Variants in SLC25A26 observed in about 807,000 individuals in gnomAD.
The protein encoded by SLC25A26 is mitochondrial S-adenosylmethionine carrier protein.
A neutral mutation model predicts 37.8 loss-of-function variants in SLC25A26; 36 were observed. That is an observed-to-expected ratio of 0.95 (90% CI 0.73 to 1.26). SLC25A26 has a LOEUF of 1.26. Among genes scored for constraint, SLC25A26 ranks in the 50% most tolerant of loss-of-function variants. The probability of loss-of-function intolerance (pLI) is 0.00; values close to 1 mark genes in which losing one functional copy is unlikely to be tolerated. For synonymous variants in SLC25A26, 129 were observed against 122.5 expected, an observed-to-expected ratio of 1.05 and a Z score of -0.35; for missense variants, 390 against 331.1, an observed-to-expected ratio of 1.18 and a Z score of -1.38.
chr3:66,362,938 G>A lies in SLC25A26; in HGVS notation c.568+9G>A, dbSNP rs750478238. On this transcript the variant is annotated intron_variant, in intron 7 of 9. Transcript: ENST00000354883. Reference sequence around the variant, plus strand: ...CTGTGGAGCTTTTGCAGGTGCAAAGGATTATATTATACTGGGAAAGACCAA... The same window carrying A: ...CTGTGGAGCTTTTGCAGGTGCAAAGAATTATATTATACTGGGAAAGACCAA... 6.3e-7 allele frequency: 1 copy of A among 1,582,334 alleles called. No individual in the cohort carries two copies.
chr3:66,207,501 C>T (rs1036748589), intron 1 of SLC25A26, among the ~76,000 whole-genome samples: 36 of 152,258 alleles, frequency 2.4e-4, no homozygotes, highest in Non-Finnish European at 4.1e-4. Flanking sequence ...AGTCTTTGTT[C>T]AGCCCAGGCC....
chr3:66,366,879 A>G (rs1451947564), intron 7 of SLC25A26, among the ~76,000 whole-genome samples: 1 of 152,224 alleles, frequency 6.6e-6, no homozygotes, highest in Non-Finnish European at 1.5e-5. Flanking sequence ...TGGCCTGGGC[A>G]AGTAAGTTGG....
rs138503857 is a variant in SLC25A26, at chr3:66,372,025, C to G, written c.707+1423C>G. On this transcript the variant is annotated intron_variant, in intron 9 of 9. Coordinates refer to ENST00000354883, the MANE Select transcript of SLC25A26 (RefSeq NM_001379210.1). ...GAGCAATCGCTTGAGCCCGGGAAGT[C>G]GAGGTTATAGTGAGTTACAACTGTG... Among the ~76,000 whole-genome samples, 31 of 152,198 alleles carry G rather than the reference C, an allele frequency of 2.0e-4. No homozygotes were observed. The East Asian group carries it at 5.8e-3, about 28-fold the overall frequency.
chr3:66,351,234 C>T (rs755046695), intron 6 of SLC25A26, among the ~76,000 whole-genome samples: 45 of 152,250 alleles, frequency 3.0e-4, no homozygotes, highest in African/African-American at 7.2e-4. Context: ...AATACTTGCT[C>T]CCCAAATCCT....
At chr3:66,269,891 A>G (rs1359515384) in intron 5 of SLC25A26, among the ~76,000 whole-genome samples, 2 of 152,078 alleles carry the variant, frequency 1.3e-5, no homozygotes, top group South Asian at 4.1e-4. Flanking sequence ...TAGCGTGTAA[A>G]TCCTCTTGAA....
At chr3:66,148,624 T>C (rs2070154146) in intron 1 of SLC25A26, among the ~76,000 whole-genome samples, 1 of 152,252 alleles carries the variant, frequency 6.6e-6, no homozygotes, top group African/African-American at 2.4e-5. Context: ...TGACAGCACA[T>C]TGTGAAGATA....
At chr3:66,320,064 A>C (rs1359440776) in intron 5 of SLC25A26, among the ~76,000 whole-genome samples, 1 of 152,294 alleles carries the variant, frequency 6.6e-6, no homozygotes, top group Admixed American at 6.5e-5. Context: ...TTGAGACTAA[A>C]CTTTGAATTA....
intron 2 of SLC25A26, among the ~76,000 whole-genome samples, chr3:66,242,404 A>G (rs557710061): frequency 6.6e-6 from 1 of 152,338 alleles, no homozygotes; most frequent in African/African-American, 2.4e-5. Flanking sequence ...AGCCTAGTGT[A>G]TATTTGTTAG....
chr3:66,216,153 C>T (rs1377506443), upstream of SLC25A26, among the ~76,000 whole-genome samples: 2 of 152,224 alleles, frequency 1.3e-5, no homozygotes, highest in South Asian at 2.1e-4. Flanking sequence ...ATCACACTGG[C>T]GATTAAGTTT....
intron 7 of SLC25A26, among the ~76,000 whole-genome samples, chr3:66,367,971 T>C (rs946718470): frequency 1.3e-5 from 2 of 152,198 alleles, no homozygotes; most frequent in African/African-American, 4.8e-5. Context: ...GTTGATAGTA[T>C]TACCCCTAAG....
chr3:66,149,997 G>A (rs1026925395), intron 1 of SLC25A26, among the ~76,000 whole-genome samples: 2 of 152,090 alleles, frequency 1.3e-5, no homozygotes, highest in African/African-American at 4.8e-5. Flanking sequence ...GCCAACCTAT[G>A]TTTATTCTGT....
rs780415166 is a variant in SLC25A26 at position 66,262,154 on chromosome 3, A to G, written c.404A>G (p.Glu135Gly). 3.0e-5 allele frequency: 44 copies of G among 1,487,884 alleles called. No homozygotes were observed. The highest frequency in any genetic ancestry group is 2.9e-4 in the East Asian group (12 of 42,032). 92.2% of individuals were successfully genotyped at this position (1,487,884 alleles called of 1,614,324 possible). A position where few individuals can be genotyped will look rare whatever the true frequency, so the allele number is the denominator to read the frequency against. Reference sequence around the variant, plus strand: ...ATTTTCTCTAACATCTTATATGAAGAGGTGAGATGGGTTTTTTAAGCTCTT... The same window carrying G: ...ATTTTCTCTAACATCTTATATGAAGGGGTGAGATGGGTTTTTTAAGCTCTT... ...FQIFSNILYE[E>G]GIQGLYRGYK... Residue 135 changes from glutamate (E) to glycine (G), a missense_variant and splice_region_variant, in exon 4 of 10, where the codon GAG becomes GGG. By Grantham distance (98) the Glu-to-Gly change is moderately conservative (BLOSUM62 -2). Coordinates refer to ENST00000354883, the MANE Select transcript of SLC25A26 (RefSeq NM_001379210.1).
chr3:66,314,602 G>T (rs1202427703), intron 5 of SLC25A26, among the ~76,000 whole-genome samples: 1 of 152,066 alleles, frequency 6.6e-6, no homozygotes, highest in African/African-American at 2.4e-5. Context: ...ATGTCTGCCA[G>T]GTTTTGGTAT....
At chr3:66,258,406 G>T (rs2073389078) in intron 3 of SLC25A26, among the ~76,000 whole-genome samples, 1 of 152,058 alleles carries the variant, frequency 6.6e-6, no homozygotes, top group Admixed American at 6.6e-5. Flanking sequence ...TGAAGTTCTG[G>T]ACTAAAATTT....
chr3:66,246,762 G>A (rs1576704920), intron 3 of SLC25A26, among the ~76,000 whole-genome samples: 1 of 152,282 alleles, frequency 6.6e-6, no homozygotes, highest in East Asian at 1.9e-4. Flanking sequence ...TGGGCTCTTG[G>A]TAATTTGCCC....
At chr3:66,366,514 G>C (rs1313364020) in intron 7 of SLC25A26, among the ~76,000 whole-genome samples, 3 of 152,158 alleles carry the variant, frequency 2.0e-5, no homozygotes, top group Non-Finnish European at 4.4e-5. Context: ...AGTAAAGTTA[G>C]GACCTATTGA....
At chr3:66,193,538 A>T (rs2070985322) in intron 1 of SLC25A26, among the ~76,000 whole-genome samples, 1 of 152,174 alleles carries the variant, frequency 6.6e-6, no homozygotes, top group Admixed American at 6.5e-5. Context: ...CATTGTCCTT[A>T]TCTGGGCTTG....
At chr3:66,166,376 C>T (rs1034784624) in intron 1 of SLC25A26, among the ~76,000 whole-genome samples, 2 of 152,220 alleles carry the variant, frequency 1.3e-5, no homozygotes, top group African/African-American at 4.8e-5. Context: ...AAGACTCAAA[C>T]AACTCTCCTT....
At chr3:66,250,995 G>A (rs913325857) in intron 3 of SLC25A26, among the ~76,000 whole-genome samples, 11 of 152,098 alleles carry the variant, frequency 7.2e-5, no homozygotes, top group African/African-American at 2.2e-4. Flanking sequence ...TTTAGCAGGA[G>A]TCTCAGTTAT....
Sources: allele counts gnomAD v4.1 joint callset (sites outside exome capture counted in the v4.1 genomes callset), GRCh38; gene constraint gnomAD v4.1.1; transcripts MANE v1.5; gene names NCBI Gene and HGNC (gene_info 2026-07-23, HGNC 2026-07-21).